DIP2C: variants seen among roughly 807,000 people sequenced by gnomAD.
DIP2C encodes the protein disco-interacting protein 2 homolog C.
In DIP2C, 33 loss-of-function variants were observed where a neutral mutation model predicts 192.4. The observed-to-expected ratio is 0.17, with a 90% confidence interval of 0.13 to 0.23. The LOEUF (loss-of-function observed/expected upper bound fraction) is 0.23, where lower values mean the gene tolerates loss of function less well. Ranked by LOEUF, DIP2C falls within the 10% of genes least tolerant of loss-of-function variation. DIP2C has a pLI of 1.00. For missense variants in DIP2C, 1,537 were observed against 2,110.1 expected (o/e 0.73, Z 5.32); for synonymous variants, 979 against 864.1 (o/e 1.13, Z -2.33).
In DIP2C at chr10:680,940, G is replaced by A. The variant is rs141746055; in HGVS notation, c.85+8554C>T. Among the ~76,000 whole-genome samples, 1,430 of 149,048 alleles carry A rather than the reference G, an allele frequency of 9.6e-3. 29 individuals carry two copies. The highest frequency in any genetic ancestry group is 0.033 in the African/African-American group (1,351 of 40,508). On this transcript the variant is annotated intron_variant, in intron 1 of 36. Coordinates refer to ENST00000280886, the MANE Select transcript of DIP2C (RefSeq NM_014974.3). Reference sequence around the variant, plus strand: ...TGGTGCAGCCACCGCCTGTGGCCACGGAAATTCCAGGGAATGCAGACCCCA... The same window carrying A: ...TGGTGCAGCCACCGCCTGTGGCCACAGAAATTCCAGGGAATGCAGACCCCA...
intron 1 of DIP2C, among the ~76,000 whole-genome samples, chr10:673,415 C>G (rs770165472): frequency 2.6e-5 from 4 of 152,076 alleles, no homozygotes; most frequent in Admixed American, 6.5e-5. Context: ...AAAAGGCACC[C>G]TACAATTATA....
intron 5 of DIP2C, 23 bp from the exon 6 acceptor site, chr10:419,222 A>AT: frequency 6.2e-7 from 1 of 1,613,870 alleles, no homozygotes; most frequent in Non-Finnish European, 8.5e-7. Flanking sequence ...ACATCATGAG[A>AT]TTTTCTGGTG....
At position 529,142 on chromosome 10, in the gene DIP2C, T is replaced by TA. The variant is rs978113749; in HGVS notation, c.86-42613dup. 3.3e-5 allele frequency among the ~76,000 whole-genome samples: 5 copies of TA among 152,212 alleles called. No individual in the cohort carries two copies. The South Asian group carries it at 6.2e-4, about 19-fold the overall frequency. On this transcript the variant is annotated intron_variant, in intron 1 of 36. Transcript: ENST00000280886. ...CAATCCCACAATCTGAACATTCTTCTAGGCCATCTCATGGCCCCCATCTCA... is the reference window on the plus strand; with the variant it reads ...CAATCCCACAATCTGAACATTCTTCTAAGGCCATCTCATGGCCCCCATCTCA...
At position 357,914 on chromosome 10, in the gene DIP2C, C is replaced by T; in HGVS notation, c.2818G>A (p.Val940Met). The T allele has an allele frequency of 6.2e-7, 1 of 1,612,574 alleles. No individual in the cohort carries two copies. Among genetic ancestry groups the T allele is most frequent in the Non-Finnish European group, 8.5e-7 (1 of 1,179,822 alleles). ...QPEIGPASVM[V>M]GNLVSGKRIA... is the part of the protein sequence containing the mutation. Reference sequence around the variant, plus strand: ...CTCTTCCCAGAGACCAGGTTCCCCACCATCACAGAGGCAGGGCCGATTTCT... The same window carrying T: ...CTCTTCCCAGAGACCAGGTTCCCCATCATCACAGAGGCAGGGCCGATTTCT... Residue 940 changes from valine to methionine, a missense_variant, in exon 23 of 37, where the codon GTG becomes ATG. Around this residue, in one of 4 missense-constraint regions of DIP2C, gnomAD observed 677 missense variants for 989.9 expected, o/e 0.68. Coordinates refer to ENST00000280886, the MANE Select transcript of DIP2C (RefSeq NM_014974.3).
Position 366,284 on chromosome 10 carries a change from G to A in DIP2C, c.2259C>T (p.Asn753=), listed in dbSNP as rs1480406181. 6.2e-7 allele frequency: 1 copy of A among 1,613,128 alleles called. No homozygotes were observed. Among genetic ancestry groups the A allele is most frequent in the African/African-American group, 1.3e-5 (1 of 74,896 alleles). The change falls in exon 19 of 37, where the codon AAC becomes AAT. Residue 753 remains asparagine (N), a synonymous_variant. Transcript: ENST00000280886. The part of the protein sequence containing the change: ...SYYGLSGMTK[N]TFEVFPMTSS... ...ACTCTCCTCCACCTACCTCAAAGGT[G>A]TTCTTGGTCATGCCAGAGAGGCCAT...
At chr10:619,487 A>G (rs561150645) in intron 1 of DIP2C, among the ~76,000 whole-genome samples, 29 of 144,202 alleles carry the variant, frequency 2.0e-4, no homozygotes, top group Non-Finnish European at 3.8e-4. Flanking sequence ...AGGAAGACGC[A>G]GAATATCGGG....
intron 2 of DIP2C, chr10:484,648 G>T: frequency 7.8e-7 from 1 of 1,279,892 alleles, no homozygotes; most frequent in Non-Finnish European, 1.0e-6. Context: ...GAGCGACCTG[G>T]CTCACTGGAG....
At position 277,426 on chromosome 10, in the gene DIP2C, C is replaced by T. The variant is rs762737938; in HGVS notation, c.4570G>A (p.Val1524Ile). ...TCCCCACGGGAGTTGATGGGGATGACGCCGATGTCCACCACGACCACCACT... is the reference window on the plus strand; with the variant it reads ...TCCCCACGGGAGTTGATGGGGATGATGCCGATGTCCACCACGACCACCACT... ...VGVVVVVDIG[V>I]IPINSRGEKQ... Residue 1524 changes from valine (V) to isoleucine (I), a missense_variant, in exon 37 of 37, where the codon GTC becomes ATC. Coordinates refer to ENST00000280886, the MANE Select transcript of DIP2C (RefSeq NM_014974.3). The T allele has an allele frequency of 2.2e-5, 35 of 1,614,018 alleles. No individual in the cohort carries two copies. Among genetic ancestry groups the T allele is most frequent in the Non-Finnish European group, 2.5e-5 (30 of 1,180,042 alleles).
At chr10:425,658 T>C (rs879712329) in intron 4 of DIP2C, among the ~76,000 whole-genome samples, 1 of 151,904 alleles carries the variant, frequency 6.6e-6, no homozygotes, top group Non-Finnish European at 1.5e-5. Flanking sequence ...TGGTGACTAA[T>C]ATGACACGGA....
At chr10:539,690 C>CTTTT (rs1270480183) in intron 1 of DIP2C, among the ~76,000 whole-genome samples, 1 of 152,204 alleles carries the variant, frequency 6.6e-6, no homozygotes, top group Non-Finnish European at 1.5e-5. Flanking sequence ...ATGTTCTTAT[C>CTTTT]TTTTTGTCCA....
At position 386,954 on chromosome 10, in the gene DIP2C, C is replaced by A. The variant is rs79739427; in HGVS notation, c.1662+791G>T. Among the ~76,000 whole-genome samples, 914 of 152,252 alleles carry A rather than the reference C, an allele frequency of 6.0e-3. 3 individuals carry two copies. The highest frequency in any genetic ancestry group is 0.014 in the Middle Eastern group (4 of 294). Reference sequence around the variant, plus strand: ...CCACGAAAAGTGCCCAAGCCCGGCACGTCATCCAGGGCACTCGTGACTGTG... The same window carrying A: ...CCACGAAAAGTGCCCAAGCCCGGCAAGTCATCCAGGGCACTCGTGACTGTG... On this transcript the variant is annotated intron_variant, in intron 14 of 36. Transcript: ENST00000280886.
At chr10:569,109 C>T (rs1280895198) in intron 1 of DIP2C, among the ~76,000 whole-genome samples, 2 of 152,132 alleles carry the variant, frequency 1.3e-5, no homozygotes, top group Non-Finnish European at 2.9e-5. Flanking sequence ...CCACAATCCC[C>T]GAGCCTTGGC....
In DIP2C at chr10:364,751, G is replaced by A. The variant is rs562696092; in HGVS notation, c.2269-169C>T. On this transcript the variant is annotated intron_variant, in intron 19 of 36. Coordinates refer to ENST00000280886, the MANE Select transcript of DIP2C (RefSeq NM_014974.3). ...TGACCGCTGGTGGCCAACAGTCTTC[G>A]AGGCAGAAAAGCACTTCCTGCCCAC... is the stretch of plus-strand genomic sequence containing the variant. Among the ~76,000 whole-genome samples, 13 of 152,266 alleles carry A rather than the reference G, an allele frequency of 8.5e-5. 1 individual carries two copies. The highest frequency in any genetic ancestry group is 5.2e-4 in the Admixed American group (8 of 15,298).
intron 1 of DIP2C, among the ~76,000 whole-genome samples, chr10:658,079 C>T (rs1403310288): frequency 6.6e-6 from 1 of 151,490 alleles, no homozygotes; most frequent in South Asian, 2.1e-4. Context: ...CTGGACCTGA[C>T]ACTGGACCTG....
At chr10:376,116 A>G (rs562414418) in intron 17 of DIP2C, among the ~76,000 whole-genome samples, 1 of 152,316 alleles carries the variant, frequency 6.6e-6, no homozygotes, top group South Asian at 2.1e-4. Flanking sequence ...AACCCACTCA[A>G]TGCTCACACG....
chr10:366,531 C>G, intron 18 of DIP2C, 120 bp from the exon 19 acceptor site: 1 of 1,384,208 alleles, frequency 7.2e-7, no homozygotes, highest in Non-Finnish European at 9.9e-7. Context: ...TGGAGCAAAA[C>G]TGCACGGATG....
intron 8 of DIP2C, among the ~76,000 whole-genome samples, chr10:413,643 C>CA (rs1965330018): frequency 1.3e-5 from 2 of 152,328 alleles, no homozygotes; most frequent in South Asian, 4.1e-4. Flanking sequence ...CCAGAAGTAA[C>CA]AGACACTGAG....
At chr10:290,964 A>G (rs1464931428) in intron 32 of DIP2C, among the ~76,000 whole-genome samples, 3 of 152,234 alleles carry the variant, frequency 2.0e-5, no homozygotes, top group Admixed American at 6.5e-5. Flanking sequence ...GTCACTCAGG[A>G]AACAAGGCTC....
chr10:579,995 A>C (rs114145375), intron 1 of DIP2C, among the ~76,000 whole-genome samples: 15 of 151,954 alleles, frequency 9.9e-5, no homozygotes, highest in African/African-American at 3.2e-4. Flanking sequence ...CAGGTACACT[A>C]TAACATGTAT....
Sources: allele counts gnomAD v4.1 joint callset (sites outside exome capture counted in the v4.1 genomes callset), GRCh38; gene constraint gnomAD v4.1.1; regional missense constraint gnomAD v4.1.1; transcripts MANE v1.5; gene names NCBI Gene and HGNC (gene_info 2026-07-23, HGNC 2026-07-21).